The following GPATCH2 variants were observed in gnomAD, a reference collection of about 807,000 sequenced individuals.
GPATCH2 encodes the protein G-patch domain containing 2.
GPATCH2 carries 51 observed loss-of-function variants against 58.0 expected under a neutral mutation model. The ratio of observed to expected loss-of-function variants is 0.88; its 90% confidence interval spans 0.70 to 1.11. The LOEUF (loss-of-function observed/expected upper bound fraction) is 1.11. Ranked by LOEUF, GPATCH2 falls within the 50% of genes most tolerant of loss-of-function variation. GPATCH2 has a pLI of 0.00. For synonymous variants in GPATCH2, 222 were observed against 218.5 expected (o/e 1.02, Z -0.14); for missense variants, 625 against 652.2 (o/e 0.96, Z 0.45).
intron 8 of GPATCH2, among the ~76,000 whole-genome samples, chr1:217,475,757 C>T (rs545121015): frequency 6.6e-6 from 1 of 152,016 alleles, no homozygotes; most frequent in Non-Finnish European, 1.5e-5. Flanking sequence ...CCAACTAAAT[C>T]AATTAATGTA....
intron 9 of GPATCH2, among the ~76,000 whole-genome samples, chr1:217,443,803 C>A (rs1386233422): frequency 6.6e-6 from 1 of 152,108 alleles, no homozygotes; most frequent in Non-Finnish European, 1.5e-5. Flanking sequence ...TGTCATATAA[C>A]CCATTCAGTG....
At chr1:217,564,859 T>A (rs941488487) in intron 5 of GPATCH2, among the ~76,000 whole-genome samples, 1 of 152,188 alleles carries the variant, frequency 6.6e-6, no homozygotes, top group African/African-American at 2.4e-5. Flanking sequence ...TGGCTCTAAG[T>A]GTTAAGTTTT....
chr1:217,525,814 G>T (rs1226456572), intron 5 of GPATCH2, among the ~76,000 whole-genome samples: 1 of 151,930 alleles, frequency 6.6e-6, no homozygotes, highest in Admixed American at 6.6e-5. Context: ...TATTAATATA[G>T]CTTTTTGAAA....
At chr1:217,629,026 A>C (rs545371473) in intron 1 of GPATCH2, among the ~76,000 whole-genome samples, 2 of 152,244 alleles carry the variant, frequency 1.3e-5, no homozygotes, top group South Asian at 4.1e-4. Context: ...AATGCAAAGA[A>C]TGATACACCT....
chr1:217,470,984 T>C (rs1416002633), intron 8 of GPATCH2, among the ~76,000 whole-genome samples: 1 of 152,066 alleles, frequency 6.6e-6, no homozygotes, highest in East Asian at 1.9e-4. Context: ...AAACTTCTTT[T>C]ACAACGATAA....
At chr1:217,619,760 T>C (rs1669087175) in intron 2 of GPATCH2, 23 bp downstream of exon 2, 1 of 945,202 alleles carries the variant, frequency 1.1e-6, no homozygotes, top group African/African-American at 1.6e-5. Flanking sequence ...AATATTTTTA[T>C]ATTTAGAGAA....
At chr1:217,605,474 C>G (rs372181197) in intron 5 of GPATCH2, among the ~76,000 whole-genome samples, 32 of 152,286 alleles carry the variant, frequency 2.1e-4, no homozygotes, top group African/African-American at 7.5e-4. Context: ...CTTATTCCAA[C>G]TGTACAGAAA....
intron 5 of GPATCH2, among the ~76,000 whole-genome samples, chr1:217,565,803 A>G (rs143470818): frequency 6.6e-5 from 10 of 152,304 alleles, no homozygotes; most frequent in African/African-American, 1.9e-4. Flanking sequence ...TAATATCTAC[A>G]GTAAGAGAGA....
chr1:217,554,382 C>T (rs1464673176), intron 5 of GPATCH2, among the ~76,000 whole-genome samples: 1 of 152,118 alleles, frequency 6.6e-6, no homozygotes, highest in East Asian at 1.9e-4. Flanking sequence ...ATGAAATAGG[C>T]CCTATCTGTA....
chr1:217,609,816 G>C, intron 5 of GPATCH2: 3 of 990,956 alleles, frequency 3.0e-6, no homozygotes, highest in Non-Finnish European at 3.6e-6. Context: ...TTGTCGATCT[G>C]GAAGTTTAAA....
chr1:217,445,525 G>A (rs923810770), intron 9 of GPATCH2, among the ~76,000 whole-genome samples: 7 of 151,808 alleles, frequency 4.6e-5, no homozygotes, highest in East Asian at 1.9e-4. Context: ...CATTCTGCTG[G>A]CAAACCTTCT....
At chr1:217,598,737 T>C (rs530808801) in intron 5 of GPATCH2, among the ~76,000 whole-genome samples, 1 of 152,290 alleles carries the variant, frequency 6.6e-6, no homozygotes, top group East Asian at 1.9e-4. Context: ...AGTGCTGGGA[T>C]TACAGGCGTG....
chr1:217,532,911 T>C (rs1326747188), intron 5 of GPATCH2, among the ~76,000 whole-genome samples: 1 of 143,998 alleles, frequency 6.9e-6, no homozygotes, highest in African/African-American at 2.6e-5. Context: ...TTTTTTTTTT[T>C]TTTTTGAGAC....
chr1:217,508,494 C>G (rs1662673033), intron 6 of GPATCH2, among the ~76,000 whole-genome samples: 1 of 151,976 alleles, frequency 6.6e-6, no homozygotes, highest in Non-Finnish European at 1.5e-5. Flanking sequence ...ATATCAATTG[C>G]ACAATCGATT....
intron 8 of GPATCH2, among the ~76,000 whole-genome samples, chr1:217,453,169 A>C (rs1174764807): frequency 6.6e-6 from 1 of 152,244 alleles, no homozygotes; most frequent in Non-Finnish European, 1.5e-5. Context: ...AACATTTGGA[A>C]TACTACTCAA....
Position 217,585,781 on chromosome 1 carries a change from G to A in GPATCH2, c.1098+24540C>T, listed in dbSNP as rs536522379. 5.9e-5 allele frequency among the ~76,000 whole-genome samples: 9 copies of A among 152,214 alleles called. No individual in the cohort carries two copies. In the East Asian group the frequency reaches 1.4e-3, roughly 23 times the overall value. ...AGGGATACATTCTGAGAAAGGCATCGTTAGGCAATGTCACAGTCACACACA... is the reference window on the plus strand; with the variant it reads ...AGGGATACATTCTGAGAAAGGCATCATTAGGCAATGTCACAGTCACACACA... On this transcript the variant is annotated intron_variant, in intron 5 of 9. Transcript: ENST00000366935.
intron 5 of GPATCH2, among the ~76,000 whole-genome samples, chr1:217,585,763 C>A (rs1362029559): frequency 6.6e-6 from 1 of 152,154 alleles, no homozygotes. Context: ...ACCAGGGATA[C>A]ATTCTGAGAA....
intron 6 of GPATCH2, among the ~76,000 whole-genome samples, chr1:217,513,108 G>A (rs150083600): frequency 2.0e-5 from 3 of 152,098 alleles, no homozygotes; most frequent in African/African-American, 4.8e-5. Flanking sequence ...TAGCCAACAC[G>A]GGGATACCCC....
intron 8 of GPATCH2, among the ~76,000 whole-genome samples, chr1:217,463,672 A>AAAAAAAAAAAAAAAAAAAAAAAAC (rs1660306031): frequency 7.2e-6 from 1 of 139,558 alleles, no homozygotes; most frequent in South Asian, 2.3e-4. Flanking sequence ...AAAAAAAAAA[A>AAAAAAAAAAAAAAAAAAAAAAAAC]AAGGCAGGCA....
Sources: allele counts gnomAD v4.1 joint callset (sites outside exome capture counted in the v4.1 genomes callset), GRCh38; gene constraint gnomAD v4.1.1; transcripts MANE v1.5; gene names NCBI Gene and HGNC (gene_info 2026-07-23, HGNC 2026-07-21).